CACNA2D2: variants seen among roughly 807,000 people sequenced by gnomAD.
The protein encoded by CACNA2D2 is calcium voltage-gated channel auxiliary subunit alpha2delta 2.
CACNA2D2 carries 48 observed loss-of-function variants against 166.4 expected under a neutral mutation model. The ratio of observed to expected loss-of-function variants is 0.29; its 90% CI spans 0.23 to 0.37. The LOEUF (loss-of-function observed/expected upper bound fraction) is 0.37, where lower values mean the gene tolerates loss of function less well. Among genes scored for constraint, CACNA2D2 ranks in the 10% least tolerant of loss-of-function variants. The pLI is 1.00. For synonymous variants in CACNA2D2, 561 were observed against 573.7 expected (o/e 0.98, Z 0.32); for missense variants, 1,122 against 1,433.0 (o/e 0.78, Z 3.50).
At chr3:50,400,830 T>C (rs1706411904) in intron 3 of CACNA2D2, among the ~76,000 whole-genome samples, 1 of 152,220 alleles carries the variant, frequency 6.6e-6, no homozygotes, top group Non-Finnish European at 1.5e-5. Context: ...TTAACAAATT[T>C]GTTATAGTTT....
chr3:50,502,199 C>T (rs1560013873), intron 1 of CACNA2D2, among the ~76,000 whole-genome samples: 2 of 152,238 alleles, frequency 1.3e-5, no homozygotes, highest in Admixed American at 1.3e-4. Flanking sequence ...ACCAGCAGCC[C>T]GACGACTCAT....
intron 3 of CACNA2D2, among the ~76,000 whole-genome samples, chr3:50,418,064 CTG>C (rs1299336300): frequency 2.0e-5 from 3 of 152,122 alleles, no homozygotes; most frequent in African/African-American, 7.2e-5. Flanking sequence ...GGTGGCAGTG[CTG>C]TGAGAGGCAG....
chr3:50,479,573 G>A (rs912551808), intron 1 of CACNA2D2, among the ~76,000 whole-genome samples: 3 of 152,230 alleles, frequency 2.0e-5, no homozygotes, highest in Non-Finnish European at 4.4e-5. Context: ...CCCTGAGGGG[G>A]CCAGGAGTTG....
chr3:50,424,458 G>A (rs1036615606), intron 3 of CACNA2D2, among the ~76,000 whole-genome samples: 10 of 152,130 alleles, frequency 6.6e-5, no homozygotes, highest in African/African-American at 2.2e-4. Flanking sequence ...ACACGCACGC[G>A]CTCTCCACCT....
At chr3:50,407,298 T>C (rs1453380929) in intron 3 of CACNA2D2, among the ~76,000 whole-genome samples, 1 of 151,848 alleles carries the variant, frequency 6.6e-6, no homozygotes, top group Non-Finnish European at 1.5e-5. Context: ...ATCTCTCTCC[T>C]GTTTAAGGCC....
At chr3:50,488,988 C>T (rs1204735046) in intron 1 of CACNA2D2, among the ~76,000 whole-genome samples, 2 of 152,304 alleles carry the variant, frequency 1.3e-5, no homozygotes, top group East Asian at 3.9e-4. Flanking sequence ...GCATGAGCCA[C>T]CGCGCACGTC....
chr3:50,479,965 G>C (rs1697976029), intron 1 of CACNA2D2, among the ~76,000 whole-genome samples: 1 of 152,206 alleles, frequency 6.6e-6, no homozygotes, highest in Non-Finnish European at 1.5e-5. Flanking sequence ...AGTGAGGGGA[G>C]AGTGGCCAGG....
In CACNA2D2 at chr3:50,428,373, AGCGGTCTG is replaced by A. The variant is rs368603394; in HGVS notation, c.405+5932_405+5939del. Among the ~76,000 whole-genome samples the A allele has an allele frequency of 5.2e-3, 786 of 152,112 alleles. 15 individuals carry two copies. Among genetic ancestry groups the A allele is most frequent in the African/African-American group, 0.018 (734 of 41,484 alleles). ...GGATGGTCTCCTTCCTGACAAAGGG[AGCGGTCTG>A]CTGCCCCACAGTCCCTGACTCCCTC... On this transcript the variant is annotated intron_variant, in intron 3 of 37. Transcript: ENST00000424201.
chr3:50,401,362 T>C (rs7613681), intron 3 of CACNA2D2, among the ~76,000 whole-genome samples: 94,731 of 152,154 alleles, frequency 0.62, 29,809 homozygotes, highest in East Asian at 0.7. Context: ...TCCACCCAAG[T>C]CCAGGCTTGA....
At chr3:50,420,341 G>A (rs1707489888) in intron 3 of CACNA2D2, among the ~76,000 whole-genome samples, 1 of 152,346 alleles carries the variant, frequency 6.6e-6, no homozygotes, top group African/African-American at 2.4e-5. Flanking sequence ...GGCCCTCTGT[G>A]CAGATGGGGC....
intron 22 of CACNA2D2, among the ~76,000 whole-genome samples, chr3:50,370,770 C>A (rs1342780759): frequency 6.6e-6 from 1 of 152,114 alleles, no homozygotes; most frequent in East Asian, 1.9e-4. Context: ...AGGCGCCAGT[C>A]TCGCTCTTAT....
chr3:50,362,834 ATCT>A lies in CACNA2D2; in HGVS notation c.*1829_*1831del. 1 of 297,386 alleles carries A rather than the reference ATCT, an allele frequency of 3.4e-6. No homozygotes were observed. The highest frequency in any genetic ancestry group is 6.1e-6 in the Non-Finnish European group (1 of 163,712). 18.4% of individuals were successfully genotyped at this position (297,386 alleles called of 1,614,324 possible). A position where few individuals can be genotyped will look rare whatever the true frequency, so the allele number is the denominator to read the frequency against. On this transcript the variant is annotated 3_prime_UTR_variant, in exon 38 of 38. Coordinates refer to ENST00000424201, the MANE Select transcript of CACNA2D2 (RefSeq NM_006030.4). ...AAATATGAACATTATTTAATAACTG[ATCT>A]TCTGTAATAAACCATTTGAAAATAT...
rs1373541852 is a variant in CACNA2D2, at chr3:50,364,371, A to C, written c.*295T>G. ...GCGGCAGCAGAGGCCTGGTTTTGGC[A>C]CCAGTGCGTGTGGCCTCCCTGTCCC... On this transcript the variant is annotated 3_prime_UTR_variant, in exon 38 of 38. Coordinates refer to ENST00000424201, the MANE Select transcript of CACNA2D2 (RefSeq NM_006030.4). 6.1e-5 allele frequency: 24 copies of C among 393,120 alleles called. No individual in the cohort carries two copies. The allele number at this position is 393,120 out of a possible 1,614,324, so 24.4% of individuals were successfully genotyped here. A position where few individuals can be genotyped will look rare whatever the true frequency, so the allele number is the denominator to read the frequency against.
At chr3:50,411,214 G>A (rs530914788) in intron 3 of CACNA2D2, among the ~76,000 whole-genome samples, 1 of 152,256 alleles carries the variant, frequency 6.6e-6, no homozygotes, top group East Asian at 1.9e-4. Flanking sequence ...CCCTCAATTT[G>A]TTCATTGCTT....
At chr3:50,419,028 G>T (rs528368310) in intron 3 of CACNA2D2, among the ~76,000 whole-genome samples, 8 of 152,170 alleles carry the variant, frequency 5.3e-5, no homozygotes, top group African/African-American at 1.7e-4. Flanking sequence ...GCAGAGGAGT[G>T]GGGGAGGTGA....
At position 50,379,307 on chromosome 3, in the gene CACNA2D2, G is replaced by C; in HGVS notation, c.1153-108C>G. 1.4e-6 allele frequency: 2 copies of C among 1,445,840 alleles called. No homozygotes were observed. The highest frequency in any genetic ancestry group is 2.8e-5 in the African/African-American group (2 of 71,620). The allele number at this position is 1,445,840 out of a possible 1,614,324, so 89.6% of individuals were successfully genotyped here. A position where few individuals can be genotyped will look rare whatever the true frequency, so the allele number is the denominator to read the frequency against. On this transcript the variant is annotated intron_variant, in intron 11 of 37. Coordinates refer to ENST00000424201, the MANE Select transcript of CACNA2D2 (RefSeq NM_006030.4). This position sits in a 1 kb window ranked among gnomAD's most constrained non-coding sequence, Gnocchi z 6.5. ...CCTCTGGCCCTCCTCCCCCACAGCAGATGGAGCTATCTGTCCAAGCTGCCT... is the reference window on the plus strand; with the variant it reads ...CCTCTGGCCCTCCTCCCCCACAGCACATGGAGCTATCTGTCCAAGCTGCCT...
At chr3:50,402,022 G>A (rs925867256) in intron 3 of CACNA2D2, among the ~76,000 whole-genome samples, 3 of 152,172 alleles carry the variant, frequency 2.0e-5, no homozygotes, top group South Asian at 2.1e-4. Flanking sequence ...CAAAGTGGAC[G>A]TTTTAACATC....
rs1704044507 is a variant in CACNA2D2, at chr3:50,363,554, G to GAGAT, written c.*1108_*1111dup. ...GGAGTGTGTGTGTAGGGGTGGGAAG[G>GAGAT]AGATAGGGAGTGGGCACAGGCCTGA... On this transcript the variant is annotated 3_prime_UTR_variant, in exon 38 of 38. Coordinates refer to ENST00000424201, the MANE Select transcript of CACNA2D2 (RefSeq NM_006030.4). 2 of 331,890 alleles carry GAGAT rather than the reference G, an allele frequency of 6.0e-6. No individual in the cohort carries two copies. The highest frequency in any genetic ancestry group is 1.1e-5 in the Non-Finnish European group (2 of 185,700). 20.6% of individuals were successfully genotyped at this position (331,890 alleles called of 1,614,324 possible). A position where few individuals can be genotyped will look rare whatever the true frequency, so the allele number is the denominator to read the frequency against.
intron 2 of CACNA2D2, among the ~76,000 whole-genome samples, chr3:50,466,549 G>A (rs150941697): frequency 2.6e-5 from 4 of 152,306 alleles, no homozygotes; most frequent in East Asian, 1.9e-4. Flanking sequence ...CAGCACTGAC[G>A]CACAGGGGTT....
Sources: gnomAD v4.1 joint callset for allele counts (sites outside exome capture counted in the v4.1 genomes callset) on GRCh38, gnomAD v4.1.1 for gene constraint, Gnocchi (gnomAD v3.1) non-coding constraint, MANE v1.5 for transcripts, NCBI Gene and HGNC (gene_info 2026-07-23, HGNC 2026-07-21) for gene names.